FHIT: variants seen among roughly 807,000 people sequenced by gnomAD.
FHIT encodes the protein bis(5'-adenosyl)-triphosphatase.
In FHIT, 19 loss-of-function variants were observed where a neutral mutation model predicts 17.9. The observed-to-expected ratio is 1.06, with a 90% CI of 0.74 to 1.56. The LOEUF (loss-of-function observed/expected upper bound fraction) is 1.56, where lower values mean the gene tolerates loss of function less well. Ranked by LOEUF, FHIT falls within the 40% of genes most tolerant of loss-of-function variation. The pLI is 0.00. For synonymous variants in FHIT, 81 were observed against 69.7 expected (o/e 1.16, Z -0.81); for missense variants, 248 against 189.2 (o/e 1.31, Z -1.82).
At chr3:60,524,139 A>T (rs1431320206) in intron 5 of FHIT, among the ~76,000 whole-genome samples, 1 of 151,886 alleles carries the variant, frequency 6.6e-6, no homozygotes, top group Non-Finnish European at 1.5e-5. Context: ...AGATGCATTC[A>T]TGAATAAACC....
chr3:59,840,796 T>A (rs1468969691), intron 8 of FHIT, among the ~76,000 whole-genome samples: 1 of 152,194 alleles, frequency 6.6e-6, no homozygotes, highest in Non-Finnish European at 1.5e-5. Flanking sequence ...GCCTCAGTGC[T>A]TGACAGCTCT....
At chr3:60,680,943 G>A (rs1028732559) in intron 4 of FHIT, among the ~76,000 whole-genome samples, 2 of 152,138 alleles carry the variant, frequency 1.3e-5, no homozygotes, top group Non-Finnish European at 2.9e-5. Flanking sequence ...TAGCTACTAC[G>A]TACAAAGCAA....
At chr3:60,647,351 C>T (rs78706674) in intron 4 of FHIT, among the ~76,000 whole-genome samples, 2,841 of 152,244 alleles carry the variant, frequency 0.019, 94 homozygotes, top group African/African-American at 0.063. Flanking sequence ...TCCAAAGTTA[C>T]AGCCTTTAGA....
intron 5 of FHIT, among the ~76,000 whole-genome samples, chr3:60,157,429 A>T (rs1379690431): frequency 1.3e-5 from 2 of 152,180 alleles, no homozygotes; most frequent in African/African-American, 4.8e-5. Context: ...GAGAGTTTTG[A>T]TTAGATGACC....
chr3:60,999,284 C>G (rs2030897037), intron 3 of FHIT, among the ~76,000 whole-genome samples: 2 of 152,026 alleles, frequency 1.3e-5, no homozygotes, highest in African/African-American at 4.8e-5. Flanking sequence ...TTTGAGTAAA[C>G]TTTCTGAAAC....
rs140368411 is a variant in FHIT, at chr3:59,777,185, T to C, written c.349-24864A>G. ...GCCCACGCTTGATTCTCAGCTCTCTTACTTTATTCTACTGCTCTTCCCAAC... is the reference window on the plus strand; with the variant it reads ...GCCCACGCTTGATTCTCAGCTCTCTCACTTTATTCTACTGCTCTTCCCAAC... On this transcript the variant is annotated intron_variant, in intron 8 of 9. Transcript: ENST00000492590. 5.9e-5 allele frequency among the ~76,000 whole-genome samples: 9 copies of C among 152,280 alleles called. No homozygotes were observed. The East Asian group carries it at 1.5e-3, about 26-fold the overall frequency.
intron 8 of FHIT, among the ~76,000 whole-genome samples, chr3:59,844,418 T>A (rs1701641988): frequency 6.6e-6 from 1 of 152,110 alleles, no homozygotes; most frequent in Non-Finnish European, 1.5e-5. Context: ...AACATGATGT[T>A]CAATGTGGGT....
At chr3:59,856,218 G>C (rs1451283284) in intron 8 of FHIT, among the ~76,000 whole-genome samples, 1 of 152,168 alleles carries the variant, frequency 6.6e-6, no homozygotes, top group East Asian at 1.9e-4. Context: ...TAGATGAAAT[G>C]TATAAATGCC....
chr3:61,056,869 T>C (rs2034242486), intron 2 of FHIT, among the ~76,000 whole-genome samples: 1 of 152,236 alleles, frequency 6.6e-6, no homozygotes, highest in Non-Finnish European at 1.5e-5. Flanking sequence ...GACTCCTTTA[T>C]GTTTGCATTT....
At chr3:60,411,926 G>A (rs556552218) in intron 5 of FHIT, among the ~76,000 whole-genome samples, 1 of 152,156 alleles carries the variant, frequency 6.6e-6, no homozygotes, top group African/African-American at 2.4e-5. Context: ...AGTTAAGTCA[G>A]AACCCATGTT....
At chr3:60,984,986 C>A (rs969635292) in intron 3 of FHIT, among the ~76,000 whole-genome samples, 22 of 152,214 alleles carry the variant, frequency 1.4e-4, no homozygotes, top group African/African-American at 5.1e-4. Flanking sequence ...GAGATTAGTA[C>A]TAAGGGGGCC....
intron 2 of FHIT, among the ~76,000 whole-genome samples, chr3:61,195,540 A>C (rs868272694): frequency 1.3e-5 from 2 of 152,224 alleles, no homozygotes; most frequent in South Asian, 4.1e-4. Flanking sequence ...AAACCTGCTG[A>C]TCAATGGAAT....
intron 8 of FHIT, among the ~76,000 whole-genome samples, chr3:59,920,872 C>T (rs2293212): frequency 0.47 from 71,933 of 152,014 alleles, 17,525 homozygotes; most frequent in African/African-American, 0.57. Context: ...TATAGTTTTA[C>T]AGAAAATGGC....
chr3:59,956,527 G>T (rs1230407153), intron 7 of FHIT, among the ~76,000 whole-genome samples: 2 of 152,112 alleles, frequency 1.3e-5, no homozygotes, highest in Non-Finnish European at 2.9e-5. Flanking sequence ...CATTAGCTGG[G>T]CTTGGTGGTG....
intron 3 of FHIT, among the ~76,000 whole-genome samples, chr3:61,035,832 G>A (rs1161438704): frequency 6.6e-6 from 1 of 152,128 alleles, no homozygotes; most frequent in Non-Finnish European, 1.5e-5. Context: ...ACTCTAGTTA[G>A]TCCCTCCACC....
intron 3 of FHIT, among the ~76,000 whole-genome samples, chr3:61,013,924 T>C (rs1368347039): frequency 6.6e-6 from 1 of 152,202 alleles, no homozygotes; most frequent in African/African-American, 2.4e-5. Flanking sequence ...ATGATCTTTA[T>C]AAGTCCTTTG....
chr3:60,474,473 G>C (rs534139024), intron 5 of FHIT, among the ~76,000 whole-genome samples: 1 of 152,236 alleles, frequency 6.6e-6, no homozygotes, highest in South Asian at 2.1e-4. Context: ...AGTAGTTTTG[G>C]AGTGTTCTAG....
chr3:60,848,757 G>C (rs1352133256), intron 3 of FHIT, among the ~76,000 whole-genome samples: 1 of 152,124 alleles, frequency 6.6e-6, no homozygotes, highest in Non-Finnish European at 1.5e-5. Context: ...CAGGTGGTAA[G>C]CATTCAAACT....
At chr3:60,046,878 G>A (rs1268099230) in intron 5 of FHIT, among the ~76,000 whole-genome samples, 1 of 152,172 alleles carries the variant, frequency 6.6e-6, no homozygotes, top group African/African-American at 2.4e-5. Flanking sequence ...ATAGTAAACA[G>A]CTTTCTCTGA....
Sources: allele counts gnomAD v4.1 joint callset (sites outside exome capture counted in the v4.1 genomes callset), GRCh38; gene constraint gnomAD v4.1.1; transcripts MANE v1.5; gene names NCBI Gene and HGNC (gene_info 2026-07-23, HGNC 2026-07-21).